ENTPD5: variants seen among roughly 807,000 people sequenced by gnomAD.
ENTPD5 encodes nucleoside diphosphate phosphatase ENTPD5.
In ENTPD5, 49 loss-of-function variants were observed where a neutral mutation model predicts 60.2. That is an observed-to-expected ratio of 0.81 (90% CI 0.65 to 1.03). The LOEUF (loss-of-function observed/expected upper bound fraction) is 1.03, where lower values mean the gene tolerates loss of function less well. Ranked by LOEUF, ENTPD5 falls within the 50% of genes least tolerant of loss-of-function variation. The pLI, the probability that ENTPD5 is intolerant of heterozygous loss-of-function variation, is 0.00. For synonymous variants in ENTPD5, 187 were observed against 185.4 expected, an observed-to-expected ratio of 1.01 and a Z score of -0.07; for missense variants, 480 against 507.6, an observed-to-expected ratio of 0.95 and a Z score of 0.52.
chr14:74,014,388 C>T (rs557566470), intron 2 of ENTPD5, among the ~76,000 whole-genome samples: 4 of 144,974 alleles, frequency 2.8e-5, no homozygotes, highest in Non-Finnish European at 4.4e-5. Context: ...ACTCCCCCCC[C>T]CCACAAAAAA....
chr14:73,972,746 C>T (rs1320038283), intron 13 of ENTPD5, 138 bp downstream of exon 13: 2 of 1,000,686 alleles, frequency 2.0e-6, no homozygotes, highest in African/African-American at 3.2e-5. Flanking sequence ...TAAGTCATTT[C>T]CACCCTTTTG....
At position 73,980,333 on chromosome 14, in the gene ENTPD5, C is replaced by T. The variant is rs183997474; in HGVS notation, c.441+2685G>A. Among the ~76,000 whole-genome samples the T allele has an allele frequency of 1.3e-4, 19 of 151,146 alleles. No individual in the cohort carries two copies. The East Asian group carries it at 3.3e-3, about 26-fold the overall frequency. The stretch of plus-strand genomic sequence containing the variant: ...AGGCTGGAGTGCAGTGGCGTGATCT[C>T]GGCTCACTGCAAGCTCCGCCTCCCA... On this transcript the variant is annotated intron_variant, in intron 6 of 15. Coordinates refer to ENST00000334696, the MANE Select transcript of ENTPD5 (RefSeq NM_001249.5).
chr14:73,975,698 C>A (rs1169474159), intron 10 of ENTPD5, among the ~76,000 whole-genome samples: 1 of 152,138 alleles, frequency 6.6e-6, no homozygotes, highest in Non-Finnish European at 1.5e-5. Flanking sequence ...AGCCACTGCA[C>A]CCAGCCGAAA....
intron 11 of ENTPD5, 43 bp from the exon 12 acceptor site, chr14:73,974,021 A>T: frequency 3.2e-6 from 5 of 1,559,994 alleles, no homozygotes; most frequent in Non-Finnish European, 4.4e-6. Context: ...AGTAAGTGAG[A>T]GAGAGGGAGG....
At chr14:73,974,600 T>C (rs2057360258) in intron 11 of ENTPD5, among the ~76,000 whole-genome samples, 1 of 152,184 alleles carries the variant, frequency 6.6e-6, no homozygotes, top group Non-Finnish European at 1.5e-5. Flanking sequence ...GTGCCTCCAA[T>C]GTAAAGCTCA....
Position 74,013,934 on chromosome 14 carries a change from G to A in ENTPD5, c.-131+1890C>T, listed in dbSNP as rs374342566. Among the ~76,000 whole-genome samples, 28 of 152,148 alleles carry A rather than the reference G, an allele frequency of 1.8e-4. No homozygotes were observed. In the East Asian group the frequency reaches 5.2e-3, roughly 28 times the overall value. On this transcript the variant is annotated intron_variant, in intron 2 of 15. Transcript: ENST00000334696. Reference sequence around the variant, plus strand: ...TTCATTGCTTTTTTTAAAAAATAGAGACAGGGTCTTGTTATGTTGTCCAGG... The same window carrying A: ...TTCATTGCTTTTTTTAAAAAATAGAAACAGGGTCTTGTTATGTTGTCCAGG...
intron 6 of ENTPD5, among the ~76,000 whole-genome samples, chr14:73,977,916 G>A (rs1274460647): frequency 1.3e-5 from 2 of 152,142 alleles, no homozygotes; most frequent in African/African-American, 2.4e-5. Flanking sequence ...CAGGAGATGG[G>A]AATGACGATC....
chr14:73,995,073 G>A (rs1188771695), intron 3 of ENTPD5, among the ~76,000 whole-genome samples: 1 of 144,192 alleles, frequency 6.9e-6, no homozygotes, highest in Non-Finnish European at 1.5e-5. Context: ...TTTAAATACA[G>A]AGTCTTGCTC....
intron 10 of ENTPD5, 33 bp downstream of exon 10, chr14:73,975,903 T>G: frequency 2.4e-5 from 35 of 1,488,898 alleles, no homozygotes; most frequent in Non-Finnish European, 3.0e-5. Flanking sequence ...TCATACAACA[T>G]GAAATATTCT....
At chr14:73,982,572 C>T (rs1265819722) in intron 6 of ENTPD5, among the ~76,000 whole-genome samples, 1 of 151,534 alleles carries the variant, frequency 6.6e-6, no homozygotes, top group Non-Finnish European at 1.5e-5. Flanking sequence ...CTGGCTAACG[C>T]AGTGAAACCC....
At chr14:73,977,518 A>T in intron 6 of ENTPD5, 144 bp from the exon 7 acceptor site, 1 of 582,088 alleles carries the variant, frequency 1.7e-6, no homozygotes, top group East Asian at 3.0e-5. Flanking sequence ...CTTTGCCCTA[A>T]GAAACTAGAG....
intron 14 of ENTPD5, among the ~76,000 whole-genome samples, chr14:73,970,952 A>G (rs887469561): frequency 6.6e-6 from 1 of 151,724 alleles, no homozygotes; most frequent in African/African-American, 2.4e-5. Context: ...CAGCCTCCCA[A>G]GTAGCTGAGA....
chr14:73,971,772 G>A (rs1241785008), intron 14 of ENTPD5, 80 bp downstream of exon 14: 4 of 900,704 alleles, frequency 4.4e-6, no homozygotes, highest in Non-Finnish European at 7.3e-6. Flanking sequence ...GCTGACTGAG[G>A]TGCTTTAGGT....
At chr14:73,986,783 G>A (rs2057917646) in intron 5 of ENTPD5, 31 bp downstream of exon 5, 1 of 1,508,830 alleles carries the variant, frequency 6.6e-7, no homozygotes, top group Non-Finnish European at 9.2e-7. Flanking sequence ...AAGGCATTGA[G>A]AATCTAAACA....
chr14:73,987,897 T>A lies in ENTPD5; in HGVS notation c.206A>T (p.Gln69Leu). The change falls in exon 4 of 16, where the codon CAG (glutamine) becomes CTG (leucine). Residue 69 changes from glutamine (Q) to leucine (L), a missense_variant. Physicochemically the swap from Gln to Leu is moderately radical, Grantham distance 113. Transcript: ENST00000334696. Reference sequence around the variant, plus strand: ...CCAGTTGCACTTACCTGGCATTTTCTGCACAAAGGTGTAAACATGAATTCG... The same window carrying A: ...CCAGTTGCACTTACCTGGCATTTTCAGCACAAAGGTGTAAACATGAATTCG... Reference protein sequence around the residue: ...GTRIHVYTFVQKMPGQLPILE... With the variant: ...GTRIHVYTFVLKMPGQLPILE... The A allele has an allele frequency of 6.2e-7, 1 of 1,614,142 alleles. No homozygotes were observed. The highest frequency in any genetic ancestry group is 8.5e-7 in the Non-Finnish European group (1 of 1,180,012).
At chr14:73,984,128 A>G (rs1333955445) in intron 5 of ENTPD5, among the ~76,000 whole-genome samples, 1 of 152,114 alleles carries the variant, frequency 6.6e-6, no homozygotes, top group Admixed American at 6.6e-5. Flanking sequence ...CCCGGGTTCA[A>G]GCGATTCTCC....
intron 5 of ENTPD5, 152 bp downstream of exon 5, chr14:73,986,662 T>C (rs967226672): frequency 1.5e-6 from 1 of 649,568 alleles, no homozygotes. Flanking sequence ...GAAATGTAAT[T>C]AATTTTATCC....
At chr14:73,989,301 C>T (rs1459570037) in intron 3 of ENTPD5, among the ~76,000 whole-genome samples, 2 of 152,150 alleles carry the variant, frequency 1.3e-5, no homozygotes, top group Non-Finnish European at 2.9e-5. Context: ...GTGGCTCATG[C>T]CTCTAATCCC....
chr14:73,957,157 G>A (rs2056477138), downstream of ENTPD5, among the ~76,000 whole-genome samples: 1 of 151,778 alleles, frequency 6.6e-6, no homozygotes, highest in African/African-American at 2.4e-5. Context: ...GAGTGCAGTG[G>A]CACAGTCTCG....
Sources: gnomAD v4.1 joint callset for allele counts (sites outside exome capture counted in the v4.1 genomes callset) on GRCh38, gnomAD v4.1.1 for gene constraint, MANE v1.5 for transcripts, NCBI Gene and HGNC (gene_info 2026-07-23, HGNC 2026-07-21) for gene names.